WWOX: variants seen among roughly 807,000 people sequenced by gnomAD.
The protein encoded by WWOX is WW domain containing oxidoreductase.
Under a neutral mutation model 46.2 loss-of-function variants are expected in WWOX, and 69 were observed. That is an observed-to-expected ratio of 1.49 (90% CI 1.23 to 1.82). WWOX has a LOEUF of 1.82. Among genes scored for constraint, WWOX ranks in the 40% most tolerant of loss-of-function variants. WWOX has a pLI of 0.00. For missense variants in WWOX, 919 were observed against 542.6 expected, an observed-to-expected ratio of 1.69 and a Z score of -6.89; for synonymous variants, 359 against 202.6, an observed-to-expected ratio of 1.77 and a Z score of -6.56.
intron 8 of WWOX, among the ~76,000 whole-genome samples, chr16:78,543,260 G>A (rs994345286): frequency 6.6e-6 from 1 of 152,190 alleles, no homozygotes; most frequent in African/African-American, 2.4e-5. Context: ...GAAGTGTCAC[G>A]AGTCGTTTCC....
intron 8 of WWOX, among the ~76,000 whole-genome samples, chr16:79,026,784 A>AT (rs11373534): frequency 0.85 from 104,313 of 123,268 alleles, 44,367 homozygotes; most frequent in Middle Eastern, 0.91. Flanking sequence ...CGCCCGGCTA[A>AT]TTTTTTTTTT....
At chr16:78,319,634 G>A (rs760231448) in intron 5 of WWOX, among the ~76,000 whole-genome samples, 6 of 152,120 alleles carry the variant, frequency 3.9e-5, no homozygotes, top group East Asian at 1.9e-4. Flanking sequence ...ATTTCAAGCC[G>A]TGAATTTCTT....
At chr16:78,679,281 T>G (rs1420115622) in intron 8 of WWOX, among the ~76,000 whole-genome samples, 1 of 152,186 alleles carries the variant, frequency 6.6e-6, no homozygotes, top group Non-Finnish European at 1.5e-5. Context: ...CTGGGTGCAG[T>G]GGGTTGCGCC....
At chr16:78,614,482 C>T (rs2045974894) in intron 8 of WWOX, among the ~76,000 whole-genome samples, 1 of 152,230 alleles carries the variant, frequency 6.6e-6, no homozygotes, top group South Asian at 2.1e-4. Flanking sequence ...CTGGGCCAGC[C>T]CAGATCCACC....
intron 8 of WWOX, among the ~76,000 whole-genome samples, chr16:78,723,302 G>T (rs543977712): frequency 6.6e-6 from 1 of 152,144 alleles, no homozygotes; most frequent in Non-Finnish European, 1.5e-5. Flanking sequence ...GCATCATGAA[G>T]CATGGTCTCT....
intron 6 of WWOX, among the ~76,000 whole-genome samples, chr16:78,390,474 G>T (rs1256044620): frequency 6.6e-6 from 1 of 152,180 alleles, no homozygotes; most frequent in African/African-American, 2.4e-5. Flanking sequence ...AGAAACAAGG[G>T]TGATTTTCCA....
intron 5 of WWOX, among the ~76,000 whole-genome samples, chr16:78,315,331 CTG>C (rs1392434784): frequency 6.6e-6 from 1 of 151,998 alleles, no homozygotes; most frequent in East Asian, 1.9e-4. Flanking sequence ...GAGGATAACT[CTG>C]TAGTTTGATA....
intron 6 of WWOX, among the ~76,000 whole-genome samples, chr16:78,412,577 A>G (rs964395401): frequency 1.3e-5 from 2 of 152,166 alleles, no homozygotes; most frequent in Non-Finnish European, 1.5e-5. Flanking sequence ...ATGGAGTGGT[A>G]GTGGCATTGG....
intron 8 of WWOX, among the ~76,000 whole-genome samples, chr16:79,134,352 G>A (rs1279798774): frequency 5.3e-5 from 8 of 152,120 alleles, no homozygotes; most frequent in East Asian, 1.9e-4. Flanking sequence ...GAGAAGATAA[G>A]AAAGTACACT....
rs190920856 is a variant in WWOX at position 78,331,170 on chromosome 16, C to G, written c.517-55690C>G. Among the ~76,000 whole-genome samples the G allele has an allele frequency of 1.4e-4, 22 of 152,264 alleles. No individual in the cohort carries two copies. The East Asian group carries it at 3.9e-3, about 27-fold the overall frequency. ...GGTTTGTGTCTGTAATTTGGAACGG[C>G]TTTTTGTTGCAACTAAAATATTCAT... On this transcript the variant is annotated intron_variant, in intron 5 of 8. Transcript: ENST00000566780.
At chr16:79,188,373 GCT>G (rs5818207) in intron 8 of WWOX, among the ~76,000 whole-genome samples, 25,458 of 152,066 alleles carry the variant, frequency 0.17, 2,529 homozygotes, top group Admixed American at 0.28. Context: ...CCTTGCAAAT[GCT>G]CTCTCTCTTT....
At chr16:78,164,365 G>A in intron 5 of WWOX, 76 bp downstream of exon 5, 2 of 1,320,634 alleles carry the variant, frequency 1.5e-6, no homozygotes, top group Non-Finnish European at 2.2e-6. Context: ...GATTTCAGTG[G>A]AGTGTGTAAA....
At chr16:79,133,236 T>A (rs976613495) in intron 8 of WWOX, among the ~76,000 whole-genome samples, 3 of 152,216 alleles carry the variant, frequency 2.0e-5, no homozygotes, top group African/African-American at 7.2e-5. Context: ...ATTTCATGGT[T>A]CCTCCTGCCC....
At chr16:78,518,646 T>C (rs1597202598) in intron 8 of WWOX, among the ~76,000 whole-genome samples, 1 of 152,150 alleles carries the variant, frequency 6.6e-6, no homozygotes, top group South Asian at 2.1e-4. Flanking sequence ...TAGATTTCAT[T>C]TATTTAAGAA....
intron 8 of WWOX, among the ~76,000 whole-genome samples, chr16:78,885,752 T>TA (rs911263568): frequency 5.9e-5 from 9 of 152,218 alleles, no homozygotes; most frequent in African/African-American, 2.2e-4. Context: ...GTTTTTTTTT[T>TA]AACTGATAGT....
At chr16:78,311,796 G>GGT (rs2080250778) in intron 5 of WWOX, among the ~76,000 whole-genome samples, 1 of 151,676 alleles carries the variant, frequency 6.6e-6, no homozygotes, top group African/African-American at 2.4e-5. Flanking sequence ...CTGGCGGGGG[G>GGT]GTATTCATTT....
chr16:79,024,025 C>G (rs1048055127), intron 8 of WWOX, among the ~76,000 whole-genome samples: 2 of 152,088 alleles, frequency 1.3e-5, no homozygotes, highest in African/African-American at 2.4e-5. Flanking sequence ...ACATGTGAAT[C>G]TGTGTATACA....
chr16:78,231,457 G>A (rs930218070), intron 5 of WWOX, among the ~76,000 whole-genome samples: 1 of 152,158 alleles, frequency 6.6e-6, no homozygotes, highest in South Asian at 2.1e-4. Context: ...CTCTCAGGTG[G>A]CCATCGAAAA....
chr16:78,891,126 A>C (rs1315513200), intron 8 of WWOX: 1 of 152,182 alleles, frequency 6.6e-6, no homozygotes, highest in African/African-American at 2.4e-5. Context: ...CTCAAAACTG[A>C]AATTGTTTAA....
Sources: gnomAD v4.1 joint callset for allele counts (sites outside exome capture counted in the v4.1 genomes callset) on GRCh38, gnomAD v4.1.1 for gene constraint, MANE v1.5 for transcripts, NCBI Gene and HGNC (gene_info 2026-07-23, HGNC 2026-07-21) for gene names.